The following SIPA1L1 variants were observed in gnomAD, a reference collection of about 807,000 sequenced individuals.
SIPA1L1 encodes the protein signal induced proliferation associated 1 like 1.
Under a neutral mutation model 162.7 loss-of-function variants are expected in SIPA1L1, and 26 were observed. The ratio of observed to expected loss-of-function variants is 0.16; its 90% CI spans 0.12 to 0.22. The LOEUF (loss-of-function observed/expected upper bound fraction) is 0.22. Among genes scored for constraint, SIPA1L1 ranks in the 10% least tolerant of loss-of-function variants. The pLI, the probability that SIPA1L1 is intolerant of heterozygous loss-of-function variation, is 1.00. For synonymous variants in SIPA1L1, 829 were observed against 837.4 expected (o/e 0.99, Z 0.17); for missense variants, 1,874 against 2,241.0 (o/e 0.84, Z 3.31).
At chr14:71,494,078 T>G (rs117192601) in intron 2 of SIPA1L1, among the ~76,000 whole-genome samples, 3 of 152,332 alleles carry the variant, frequency 2.0e-5, no homozygotes, top group Non-Finnish European at 2.9e-5. Context: ...TTTTACACCT[T>G]CTTGTCCTAT....
intron 2 of SIPA1L1, among the ~76,000 whole-genome samples, chr14:71,458,412 T>C (rs1025649509): frequency 1.3e-5 from 2 of 152,196 alleles, no homozygotes; most frequent in Non-Finnish European, 2.9e-5. Context: ...AACATTTTTG[T>C]CAAAACCTTT....
intron 2 of SIPA1L1, among the ~76,000 whole-genome samples, chr14:71,447,879 T>A (rs2045534102): frequency 6.6e-6 from 1 of 152,118 alleles, no homozygotes; most frequent in Non-Finnish European, 1.5e-5. Context: ...TACTATTGAT[T>A]TTTTTGTTAG....
intron 2 of SIPA1L1, among the ~76,000 whole-genome samples, chr14:71,397,403 TC>T (rs2041289957): frequency 6.6e-6 from 1 of 152,040 alleles, no homozygotes; most frequent in African/African-American, 2.4e-5. Context: ...AACTAGTATT[TC>T]TTTATATATA....
Position 71,723,709 on chromosome 14 carries a change from A to G in SIPA1L1, c.4271A>G (p.Lys1424Arg). 6.2e-7 allele frequency: 1 copy of G among 1,614,056 alleles called. No individual in the cohort carries two copies. Among genetic ancestry groups the G allele is most frequent in the Non-Finnish European group, 8.5e-7 (1 of 1,180,006 alleles). Residue 1424 changes from lysine (K) to arginine (R), a missense_variant, in exon 18 of 24, where the codon AAA becomes AGA. Coordinates refer to ENST00000381232, the MANE Select transcript of SIPA1L1 (RefSeq NM_001386936.1). ...TTCACCAGTGCCCGGAGTTCACCTA[A>G]AGAAGAGCTTCATCCAGCTGCCCCC... ...VVFTSARSSP[K>R]EELHPAAPSQ...
intron 4 of SIPA1L1, among the ~76,000 whole-genome samples, chr14:71,533,012 G>T (rs1567162431): frequency 6.6e-6 from 1 of 152,122 alleles, no homozygotes; most frequent in Non-Finnish European, 1.5e-5. Flanking sequence ...TATCTGTTTT[G>T]CTTCCTCCTA....
chr14:71,595,108 A>G (rs2035882935), intron 5 of SIPA1L1, among the ~76,000 whole-genome samples: 3 of 152,316 alleles, frequency 2.0e-5, no homozygotes, highest in South Asian at 2.1e-4. Context: ...GAAGCTGCTT[A>G]AAAGGGCGTG....
intron 4 of SIPA1L1, among the ~76,000 whole-genome samples, chr14:71,569,174 A>C (rs968424594): frequency 6.6e-6 from 1 of 152,204 alleles, no homozygotes; most frequent in African/African-American, 2.4e-5. Context: ...TAAGGGGGAA[A>C]GACATAGGAG....
intron 2 of SIPA1L1, chr14:71,467,131 T>C (rs2047063282): frequency 6.6e-6 from 1 of 152,252 alleles, no homozygotes; most frequent in Admixed American, 6.5e-5. Flanking sequence ...TCCAGATTTA[T>C]GTCAGCATTA....
chr14:71,347,640 G>T (rs1276901467), intron 2 of SIPA1L1, among the ~76,000 whole-genome samples: 1 of 152,138 alleles, frequency 6.6e-6, no homozygotes, highest in Non-Finnish European at 1.5e-5. Flanking sequence ...AGTGTATTAA[G>T]GTCCCAGTTT....
At chr14:71,561,306 C>G (rs1308112055) in intron 4 of SIPA1L1, among the ~76,000 whole-genome samples, 1 of 152,070 alleles carries the variant, frequency 6.6e-6, no homozygotes, top group Admixed American at 6.6e-5. Context: ...CTGCCATTAG[C>G]AATGCTATAA....
intron 2 of SIPA1L1, among the ~76,000 whole-genome samples, chr14:71,369,776 G>A (rs2038702882): frequency 6.8e-6 from 1 of 147,504 alleles, no homozygotes; most frequent in African/African-American, 2.5e-5. Context: ...TCACGATATT[G>A]ATTCTTCCTA....
intron 2 of SIPA1L1, among the ~76,000 whole-genome samples, chr14:71,333,243 A>G (rs1177612260): frequency 6.6e-6 from 1 of 152,180 alleles, no homozygotes; most frequent in Non-Finnish European, 1.5e-5. Context: ...CTTTTAGACT[A>G]TGGTCATCTT....
chr14:71,715,061 G>A (rs1012963565), intron 17 of SIPA1L1, among the ~76,000 whole-genome samples: 1 of 152,206 alleles, frequency 6.6e-6, no homozygotes, highest in Admixed American at 6.5e-5. Context: ...AACATGTGTT[G>A]GCCCTGCTTG....
chr14:71,538,574 C>T (rs2054105930), intron 4 of SIPA1L1, among the ~76,000 whole-genome samples: 1 of 152,180 alleles, frequency 6.6e-6, no homozygotes, highest in Non-Finnish European at 1.5e-5. Context: ...GGTCTCTAAG[C>T]TTCATTGTCA....
intron 5 of SIPA1L1, among the ~76,000 whole-genome samples, chr14:71,609,020 C>T (rs898864568): frequency 2.0e-5 from 3 of 151,838 alleles, no homozygotes; most frequent in African/African-American, 7.3e-5. Context: ...TTATTTCTGC[C>T]CCATCAGTCT....
At chr14:71,479,336 G>GGTAT (rs59082026) in intron 2 of SIPA1L1, among the ~76,000 whole-genome samples, 41,398 of 148,114 alleles carry the variant, frequency 0.28, 5,940 homozygotes, top group Middle Eastern at 0.4. Flanking sequence ...TGTGTATGTA[G>GGTAT]GTATGTATGT....
chr14:71,666,327 T>G (rs572992390), intron 10 of SIPA1L1, among the ~76,000 whole-genome samples: 1 of 152,272 alleles, frequency 6.6e-6, no homozygotes, highest in South Asian at 2.1e-4. Flanking sequence ...CTTCAACAAG[T>G]AAGTTGCAAG....
At chr14:71,414,858 TACTC>T (rs1371856654) in intron 2 of SIPA1L1, among the ~76,000 whole-genome samples, 1 of 152,252 alleles carries the variant, frequency 6.6e-6, no homozygotes, top group African/African-American at 2.4e-5. Context: ...TGTACTGGCT[TACTC>T]ATTTCTTAAA....
At chr14:71,654,734 G>A (rs969769913) in intron 8 of SIPA1L1, among the ~76,000 whole-genome samples, 1 of 152,132 alleles carries the variant, frequency 6.6e-6, no homozygotes, top group Non-Finnish European at 1.5e-5. Flanking sequence ...ATTAATTAAA[G>A]CTCTATACAA....
Sources: gnomAD v4.1 joint callset for allele counts (sites outside exome capture counted in the v4.1 genomes callset) on GRCh38, gnomAD v4.1.1 for gene constraint, MANE v1.5 for transcripts, NCBI Gene and HGNC (gene_info 2026-07-23, HGNC 2026-07-21) for gene names.